The following SYNE3 variants were observed in gnomAD, a reference collection of about 807,000 sequenced individuals.
SYNE3 encodes the protein spectrin repeat containing nuclear envelope family member 3.
SYNE3 carries 100 observed loss-of-function variants against 111.2 expected under a neutral mutation model. That is an observed-to-expected ratio of 0.90 (90% confidence interval 0.77 to 1.06). The LOEUF (loss-of-function observed/expected upper bound fraction) is 1.06. Among genes scored for constraint, SYNE3 ranks in the 50% least tolerant of loss-of-function variants. The probability of loss-of-function intolerance (pLI) is 0.00; values close to 1 mark genes in which losing one functional copy is unlikely to be tolerated. For missense variants in SYNE3, 1,160 were observed against 1,240.3 expected (o/e 0.94, Z 0.97); for synonymous variants, 547 against 533.9 (o/e 1.02, Z -0.34).
intron 9 of SYNE3, 118 bp downstream of exon 9, chr14:95,445,791 G>T (rs1886677830): frequency 9.0e-7 from 1 of 1,105,878 alleles, no homozygotes; most frequent in Non-Finnish European, 1.3e-6. Flanking sequence ...ATACACCCAG[G>T]GCCACACAGT....
intron 7 of SYNE3, 192 bp downstream of exon 7, chr14:95,452,055 A>C (rs1262787592): frequency 3.4e-6 from 2 of 590,118 alleles, no homozygotes; most frequent in Non-Finnish European, 5.3e-6. Context: ...TCTTTCTGGG[A>C]GCAAATGCAA....
intron 1 of SYNE3, among the ~76,000 whole-genome samples, chr14:95,481,346 T>C (rs1270089400): frequency 2.0e-5 from 3 of 151,784 alleles, no homozygotes; most frequent in Admixed American, 6.6e-5. Context: ...ATCAGCAGAG[T>C]AAAGCCCCTC....
At chr14:95,495,297 C>T (rs557270091) in intron 1 of SYNE3, among the ~76,000 whole-genome samples, 112 of 152,318 alleles carry the variant, frequency 7.4e-4, no homozygotes, top group South Asian at 4.4e-3. Flanking sequence ...AATGCCCAGC[C>T]GGGCCCACCT....
rs1210095327 is a variant in SYNE3 at position 95,470,710 on chromosome 14, A to G, written c.145-2743T>C. Among the ~76,000 whole-genome samples, 2 of 152,214 alleles carry G rather than the reference A, an allele frequency of 1.3e-5. No homozygotes were observed. The highest frequency in any genetic ancestry group is 3.9e-4 in the East Asian group (2 of 5,188). ...TGTGGTGGCTCACGCCTGTAATCCCAACACTTTGGGAGGCCGAGGCGGACA... is the reference window on the plus strand; with the variant it reads ...TGTGGTGGCTCACGCCTGTAATCCCGACACTTTGGGAGGCCGAGGCGGACA... On this transcript the variant is annotated intron_variant, in intron 2 of 17. Coordinates refer to ENST00000682763, the MANE Select transcript of SYNE3 (RefSeq NM_152592.6). The surrounding 1 kb of genome is among the most constrained non-coding windows in gnomAD (Gnocchi z 4.2).
intron 8 of SYNE3, among the ~76,000 whole-genome samples, chr14:95,447,017 T>G (rs1886758906): frequency 6.6e-6 from 1 of 152,174 alleles, no homozygotes; most frequent in Non-Finnish European, 1.5e-5. Context: ...TACCTGATGA[T>G]GTTGCTGAGA....
intron 6 of SYNE3, among the ~76,000 whole-genome samples, chr14:95,452,826 T>C (rs549497283): frequency 6.6e-6 from 1 of 152,238 alleles, no homozygotes; most frequent in East Asian, 1.9e-4. Flanking sequence ...GCAGAGTCTG[T>C]AGATGGTGGA....
chr14:95,438,254 AT>A (rs1011478512), intron 14 of SYNE3: 1 of 152,062 alleles, frequency 6.6e-6, no homozygotes, highest in Non-Finnish European at 1.5e-5. Flanking sequence ...ATTTTTAAAT[AT>A]TTTTTATAGA....
At chr14:95,475,909 C>G in intron 1 of SYNE3, 74 bp from the exon 2 acceptor site, 1 of 1,341,920 alleles carries the variant, frequency 7.5e-7, no homozygotes, top group Non-Finnish European at 9.6e-7. Flanking sequence ...GGCAGGACAC[C>G]TGGGACAGGC....
At chr14:95,433,025 A>G (rs1885880141) in intron 16 of SYNE3, among the ~76,000 whole-genome samples, 1 of 152,140 alleles carries the variant, frequency 6.6e-6, no homozygotes, top group Non-Finnish European at 1.5e-5. Flanking sequence ...TTATGAGGTC[A>G]CTGCTGTCCT....
At chr14:95,426,804 C>T (rs989327815) in intron 17 of SYNE3, among the ~76,000 whole-genome samples, 4 of 151,416 alleles carry the variant, frequency 2.6e-5, no homozygotes, top group African/African-American at 9.7e-5. Flanking sequence ...ATTAGCCAGG[C>T]GTGGTGGCAG....
intron 4 of SYNE3, among the ~76,000 whole-genome samples, chr14:95,464,141 T>C (rs3783287): frequency 0.68 from 103,823 of 151,782 alleles, 35,656 homozygotes; most frequent in Admixed American, 0.73. Context: ...ACCCAGGAGA[T>C]GTTCAGTTTC....
intron 17 of SYNE3, among the ~76,000 whole-genome samples, chr14:95,422,850 C>A (rs1885208422): frequency 6.6e-6 from 1 of 152,230 alleles, no homozygotes; most frequent in African/African-American, 2.4e-5. Context: ...TCCTGGGTGT[C>A]CCCAAGACTC....
intron 4 of SYNE3, among the ~76,000 whole-genome samples, chr14:95,457,679 C>T (rs1032397385): frequency 6.6e-6 from 1 of 152,194 alleles, no homozygotes; most frequent in Non-Finnish European, 1.5e-5. Flanking sequence ...TACTACATCA[C>T]ACTGTCATTC....
At position 95,500,394 on chromosome 14, in the gene SYNE3, A is replaced by T. The variant is rs1890291332; in HGVS notation, c.-15+16202T>A. On this transcript the variant is annotated intron_variant, in intron 1 of 17. Coordinates refer to ENST00000682763, the MANE Select transcript of SYNE3 (RefSeq NM_152592.6). The surrounding 1 kb of genome is among the most constrained non-coding windows in gnomAD (Gnocchi z 4.7). ...CTGCTCTCTATGGATCCCAACCTGA[A>T]GGGGCTACCCTCAGGAGTGAGTGAT... Among the ~76,000 whole-genome samples, 1 of 152,198 alleles carries T rather than the reference A, an allele frequency of 6.6e-6. No homozygotes were observed. The highest frequency in any genetic ancestry group is 2.4e-5 in the African/African-American group (1 of 41,454).
chr14:95,499,186 G>T (rs2139593058), intron 1 of SYNE3, among the ~76,000 whole-genome samples: 1 of 152,296 alleles, frequency 6.6e-6, no homozygotes, highest in South Asian at 2.1e-4. Context: ...CATTTCCCGG[G>T]AAACCTGCCA....
intron 1 of SYNE3, among the ~76,000 whole-genome samples, chr14:95,481,464 G>C (rs765212107): frequency 6.6e-6 from 1 of 152,168 alleles, no homozygotes; most frequent in Non-Finnish European, 1.5e-5. Flanking sequence ...GAGACAAGGC[G>C]GGGAGGCAAT....
At chr14:95,418,432 A>G (rs994198270) in intron 17 of SYNE3, among the ~76,000 whole-genome samples, 1 of 152,174 alleles carries the variant, frequency 6.6e-6, no homozygotes, top group Non-Finnish European at 1.5e-5. Flanking sequence ...AGAGCCTGGC[A>G]CATAGTAAGT....
At chr14:95,503,659 C>T (rs1890424832) in intron 1 of SYNE3, among the ~76,000 whole-genome samples, 1 of 114,412 alleles carries the variant, frequency 8.7e-6, no homozygotes, top group Non-Finnish European at 1.7e-5. Context: ...CTCTTTGTTG[C>T]CCAGGCTGGA....
At chr14:95,504,814 C>G (rs1447120723) in intron 1 of SYNE3, among the ~76,000 whole-genome samples, 1 of 139,260 alleles carries the variant, frequency 7.2e-6, no homozygotes, top group African/African-American at 2.8e-5. Flanking sequence ...GACTCCACCT[C>G]TATCTAAAAA....
Sources: gnomAD v4.1 joint callset for allele counts (sites outside exome capture counted in the v4.1 genomes callset) on GRCh38, gnomAD v4.1.1 for gene constraint, Gnocchi (gnomAD v3.1) non-coding constraint, MANE v1.5 for transcripts, NCBI Gene and HGNC (gene_info 2026-07-23, HGNC 2026-07-21) for gene names.